Variants in RAB38 observed in about 807,000 individuals in gnomAD.
RAB38 encodes the protein RAB38, member RAS oncogene family.
In RAB38, 15 loss-of-function variants were observed where a neutral mutation model predicts 18.4. That is an observed-to-expected ratio of 0.82 (90% CI 0.55 to 1.26). RAB38 has a LOEUF of 1.26. Ranked by LOEUF, RAB38 falls within the 50% of genes most tolerant of loss-of-function variation. The pLI, the probability that RAB38 is intolerant of heterozygous loss-of-function variation, is 0.00. For missense variants in RAB38, 294 were observed against 267.4 expected (o/e 1.10, Z -0.69); for synonymous variants, 101 against 104.4 (o/e 0.97, Z 0.20).
At chr11:87,957,318 G>A in the RAB38 span, among the ~76,000 whole-genome samples, 1 of 151,988 alleles carries the variant, frequency 6.6e-6, no homozygotes, top group South Asian at 2.1e-4. Context: ...ACCCCCCATA[G>A]GGGCAATAAG....
the RAB38 span, among the ~76,000 whole-genome samples, chr11:87,904,106 C>A: frequency 5.4e-3 from 820 of 151,394 alleles, 9 homozygotes; most frequent in African/African-American, 0.019. Context: ...TAAATTTCAA[C>A]TTTGGTTTTA....
the RAB38 span, among the ~76,000 whole-genome samples, chr11:87,941,881 C>G: frequency 6.6e-6 from 1 of 152,118 alleles, no homozygotes; most frequent in Admixed American, 6.6e-5. Flanking sequence ...GACACAGAGA[C>G]TCCCTTACCT....
the RAB38 span, among the ~76,000 whole-genome samples, chr11:87,862,654 C>A: frequency 6.6e-6 from 1 of 151,718 alleles, no homozygotes; most frequent in African/African-American, 2.4e-5. Flanking sequence ...TACCCCTGAA[C>A]TTAAACAAAA....
chr11:88,133,184 G>C (rs762734488), intron 2 of RAB38, among the ~76,000 whole-genome samples: 23 of 152,088 alleles, frequency 1.5e-4, no homozygotes, highest in Admixed American at 9.2e-4. Context: ...GAATGGTAAG[G>C]GTTCCCAAAG....
chr11:88,145,506 T>C (rs1009685866), intron 2 of RAB38, among the ~76,000 whole-genome samples: 6 of 151,924 alleles, frequency 3.9e-5, no homozygotes, highest in Admixed American at 2.0e-4. Context: ...TTTTACAGAG[T>C]GAATTCAAAA....
At chr11:88,005,966 T>G in the RAB38 span, among the ~76,000 whole-genome samples, 3 of 151,606 alleles carry the variant, frequency 2.0e-5, no homozygotes, top group Non-Finnish European at 4.4e-5. Context: ...ATGTTTCTGT[T>G]TCTATGACAG....
chr11:87,955,162 CACACACTCTTCCACATTG>C, the RAB38 span, among the ~76,000 whole-genome samples: 25,823 of 152,162 alleles, frequency 0.17, 2,352 homozygotes, highest in South Asian at 0.36. Context: ...GCCACATTGG[CACACACTCTTCCACATTG>C]GTGCACTCTT....
At chr11:88,027,564 G>C in the RAB38 span, among the ~76,000 whole-genome samples, 2,596 of 152,356 alleles carry the variant, frequency 0.017, 71 homozygotes, top group African/African-American at 0.06. Context: ...CGCACCAGGA[G>C]ATTATATCCC....
the RAB38 span, among the ~76,000 whole-genome samples, chr11:88,067,805 C>T: frequency 6.6e-6 from 1 of 151,852 alleles, no homozygotes; most frequent in Non-Finnish European, 1.5e-5. Flanking sequence ...GTATGTGGAG[C>T]TTAAAATCTA....
chr11:87,955,067 G>A, the RAB38 span, among the ~76,000 whole-genome samples: 2 of 152,234 alleles, frequency 1.3e-5, no homozygotes, highest in African/African-American at 4.8e-5. Context: ...CAGGAGCATA[G>A]TGGGAGCTGC....
the RAB38 span, among the ~76,000 whole-genome samples, chr11:87,897,828 A>G: frequency 2.0e-5 from 3 of 151,580 alleles, no homozygotes; most frequent in Non-Finnish European, 4.4e-5. Context: ...TCTGAGACAA[A>G]GACAGGCAAG....
intron 1 of RAB38, among the ~76,000 whole-genome samples, chr11:88,167,848 CT>C (rs1591179931): frequency 6.6e-6 from 1 of 152,124 alleles, no homozygotes; most frequent in Non-Finnish European, 1.5e-5. Context: ...AGGATCATCC[CT>C]TGCTGGAATA....
chr11:87,924,364 C>T, the RAB38 span, among the ~76,000 whole-genome samples: 1 of 151,996 alleles, frequency 6.6e-6, no homozygotes, highest in Non-Finnish European at 1.5e-5. Flanking sequence ...ACAAACAAGA[C>T]ATAGCCTTGA....
intron 2 of RAB38, among the ~76,000 whole-genome samples, chr11:88,120,799 C>A (rs1249182479): frequency 6.6e-6 from 1 of 152,112 alleles, no homozygotes; most frequent in Non-Finnish European, 1.5e-5. Context: ...CCTAGGTCTC[C>A]CCGCTTACGT....
chr11:87,864,169 T>C, the RAB38 span, among the ~76,000 whole-genome samples: 2 of 151,742 alleles, frequency 1.3e-5, 1 homozygote, highest in African/African-American at 4.8e-5. Context: ...ATGTGGACAT[T>C]TTGGAAATGA....
the RAB38 span, chr11:88,062,063 A>G: frequency 6.6e-6 from 1 of 152,088 alleles, no homozygotes; most frequent in Non-Finnish European, 1.5e-5. Flanking sequence ...ATAAATGAAG[A>G]AAAGGAAAGT....
the RAB38 span, among the ~76,000 whole-genome samples, chr11:87,892,346 A>G: frequency 2.6e-5 from 4 of 151,782 alleles, no homozygotes; most frequent in Non-Finnish European, 5.9e-5. Flanking sequence ...AAAAATATAG[A>G]TCCTTTCAAT....
At chr11:88,160,095 T>C (rs1007897018) in intron 1 of RAB38, among the ~76,000 whole-genome samples, 8 of 152,028 alleles carry the variant, frequency 5.3e-5, no homozygotes, top group African/African-American at 1.7e-4. Context: ...AAATGTCTAC[T>C]ATCCAGACTA....
chr11:87,851,070 G>A, the RAB38 span, among the ~76,000 whole-genome samples: 1 of 152,198 alleles, frequency 6.6e-6, no homozygotes, highest in African/African-American at 2.4e-5. Context: ...CATTCACACA[G>A]AATGCTGTCC....
Sources: allele counts gnomAD v4.1 joint callset (sites outside exome capture counted in the v4.1 genomes callset), GRCh38; gene constraint gnomAD v4.1.1; transcripts MANE v1.5; gene names NCBI Gene and HGNC (gene_info 2026-07-23, HGNC 2026-07-21).